CAPN8: variants seen among roughly 807,000 people sequenced by gnomAD.
The protein encoded by CAPN8 is calpain-8.
Under a neutral mutation model 80.9 loss-of-function variants are expected in CAPN8, and 87 were observed. The ratio of observed to expected loss-of-function variants is 1.07; its 90% CI spans 0.90 to 1.28. CAPN8 has a LOEUF of 1.28. Ranked by LOEUF, CAPN8 falls within the 50% of genes most tolerant of loss-of-function variation. CAPN8 has a pLI of 0.00. For missense variants in CAPN8, 757 were observed against 702.0 expected, an observed-to-expected ratio of 1.08 and a Z score of -0.89; for synonymous variants, 299 against 273.8, an observed-to-expected ratio of 1.09 and a Z score of -0.91.
intron 1 of CAPN8, among the ~76,000 whole-genome samples, chr1:223,662,556 A>G (rs1448919010): frequency 6.6e-6 from 1 of 152,198 alleles, no homozygotes; most frequent in Non-Finnish European, 1.5e-5. Flanking sequence ...TCTGTTTTGC[A>G]AGATAAAAAC....
At chr1:223,554,909 C>T (rs1656871446) in intron 13 of CAPN8, among the ~76,000 whole-genome samples, 1 of 152,334 alleles carries the variant, frequency 6.6e-6, no homozygotes, top group South Asian at 2.1e-4. Flanking sequence ...TGACAATGGG[C>T]TCTGCCCAAA....
At chr1:223,647,265 C>T (rs1026050668) in intron 2 of CAPN8, among the ~76,000 whole-genome samples, 30 of 152,222 alleles carry the variant, frequency 2.0e-4, no homozygotes, top group African/African-American at 7.2e-4. Context: ...ACCCCAAACT[C>T]ATTATGCTAA....
At chr1:223,658,541 G>A (rs1038956666) in intron 1 of CAPN8, among the ~76,000 whole-genome samples, 12 of 152,080 alleles carry the variant, frequency 7.9e-5, no homozygotes, top group East Asian at 1.9e-4. Flanking sequence ...GGTGGCTTAC[G>A]TCTGTAATCC....
At chr1:223,646,644 T>C (rs559561055) in intron 2 of CAPN8, among the ~76,000 whole-genome samples, 10 of 152,270 alleles carry the variant, frequency 6.6e-5, no homozygotes, top group African/African-American at 2.2e-4. Context: ...TTAAGAACCA[T>C]CCACATGTGC....
chr1:223,665,211 C>T (rs1274986593), intron 1 of CAPN8, among the ~76,000 whole-genome samples, 199 bp downstream of exon 1: 1 of 152,140 alleles, frequency 6.6e-6, no homozygotes, highest in Non-Finnish European at 1.5e-5. Context: ...TGAGATCATG[C>T]CATTGCACTC....
chr1:223,641,814 C>T (rs77066683), intron 2 of CAPN8, among the ~76,000 whole-genome samples: 1,634 of 152,284 alleles, frequency 0.011, 19 homozygotes, highest in Non-Finnish European at 0.015. Context: ...CCTATTTGTT[C>T]TCCGCTGTTT....
intron 8 of CAPN8, among the ~76,000 whole-genome samples, 151 bp from the exon 9 acceptor site, chr1:223,619,604 C>A (rs1657319611): frequency 6.6e-6 from 1 of 152,202 alleles, no homozygotes; most frequent in Non-Finnish European, 1.5e-5. Context: ...TACAAACACG[C>A]AGAGACAACA....
At chr1:223,660,721 C>T (rs1318842559) in intron 1 of CAPN8, among the ~76,000 whole-genome samples, 1 of 152,182 alleles carries the variant, frequency 6.6e-6, no homozygotes, top group Admixed American at 6.5e-5. Flanking sequence ...CATCTGCTTT[C>T]CCCCAAAGGG....
At chr1:223,627,459 G>A (rs1458852359) in intron 4 of CAPN8, among the ~76,000 whole-genome samples, 2 of 152,206 alleles carry the variant, frequency 1.3e-5, no homozygotes, top group African/African-American at 4.8e-5. Flanking sequence ...GGCACAGATG[G>A]GGAGAAGGAG....
At chr1:223,546,095 G>A (rs1180463754) in intron 16 of CAPN8, among the ~76,000 whole-genome samples, 1 of 149,200 alleles carries the variant, frequency 6.7e-6, no homozygotes, top group East Asian at 2.0e-4. Context: ...GCCTCCCAAA[G>A]TGCCACGACT....
chr1:223,648,714 C>T (rs1658260074), intron 2 of CAPN8, among the ~76,000 whole-genome samples: 1 of 151,974 alleles, frequency 6.6e-6, no homozygotes, highest in Non-Finnish European at 1.5e-5. Context: ...ATTCTCTTTA[C>T]AAAACAGAAA....
At chr1:223,555,052 T>A (rs1039981945) in intron 13 of CAPN8, among the ~76,000 whole-genome samples, 2 of 152,244 alleles carry the variant, frequency 1.3e-5, no homozygotes, top group Non-Finnish European at 2.9e-5. Flanking sequence ...AGGCCCAATA[T>A]AGCTTGATGA....
chr1:223,613,501 G>T lies in CAPN8; in HGVS notation c.1312-1244C>A, dbSNP rs1203819362. Among the ~76,000 whole-genome samples, 3 of 152,162 alleles carry T rather than the reference G, an allele frequency of 2.0e-5. No individual in the cohort carries two copies. The East Asian group carries it at 5.8e-4, about 29-fold the overall frequency. ...GATCCACCCTACCAAGAATCACCCA[G>T]CAGAAACTGAGCCAGGCAGGTGGGG... On this transcript the variant is annotated intron_variant, in intron 10 of 20. Transcript: ENST00000366872.
At chr1:223,555,426 C>T (rs1656881174) in intron 13 of CAPN8, among the ~76,000 whole-genome samples, 1 of 152,176 alleles carries the variant, frequency 6.6e-6, no homozygotes, top group Non-Finnish European at 1.5e-5. Context: ...GATATTAACG[C>T]CTACCATGCT....
chr1:223,639,346 C>T, intron 2 of CAPN8, among the ~76,000 whole-genome samples: 1 of 152,224 alleles, frequency 6.6e-6, no homozygotes, highest in East Asian at 1.9e-4. Context: ...ATAGGCTCAG[C>T]CCTTCACCCT....
chr1:223,640,961 G>A (rs147449944), intron 2 of CAPN8, among the ~76,000 whole-genome samples: 113 of 152,218 alleles, frequency 7.4e-4, no homozygotes, highest in Non-Finnish European at 1.5e-3. Flanking sequence ...CTGGAGATCT[G>A]CTTCAGTACC....
intron 2 of CAPN8, among the ~76,000 whole-genome samples, chr1:223,647,739 G>A (rs760162937): frequency 2.0e-5 from 3 of 151,700 alleles, no homozygotes; most frequent in Non-Finnish European, 4.4e-5. Context: ...CAAAAAATAG[G>A]GCCATAAAAA....
Position 223,609,347 on chromosome 1 carries a change from G to A in CAPN8, c.1341C>T (p.Asp447=), listed in dbSNP as rs962437370. 9.3e-5 allele frequency: 37 copies of A among 398,544 alleles called. No individual in the cohort carries two copies. Among genetic ancestry groups the A allele is most frequent in the South Asian group, 8.9e-4 (7 of 7,854 alleles). The allele number at this position is 398,544 out of a possible 1,614,324, so 24.7% of individuals were successfully genotyped here. A position where few individuals can be genotyped will look rare whatever the true frequency, so the allele number is the denominator to read the frequency against. Reference sequence around the variant, plus strand: ...GGAAGAAATCCCGGCCCAAGTGTGCGTCCGTGTGACTCTCCAGCTGCACGA... The same window carrying A: ...GGAAGAAATCCCGGCCCAAGTGTGCATCCGTGTGACTCTCCAGCTGCACGA... ...QVPKELESHT[D]AHLGRDFFLA... Residue 447 remains aspartate (D), a synonymous_variant, in exon 12 of 21, where the codon GAC becomes GAT. Transcript: ENST00000366872.
At chr1:223,542,800 G>C (rs1194021677) in intron 20 of CAPN8, among the ~76,000 whole-genome samples, 2 of 152,072 alleles carry the variant, frequency 1.3e-5, no homozygotes, top group Admixed American at 6.6e-5. Context: ...GCTGGTCCTA[G>C]AAGCCAGACA....
Sources: gnomAD v4.1 joint callset for allele counts (sites outside exome capture counted in the v4.1 genomes callset) on GRCh38, gnomAD v4.1.1 for gene constraint, MANE v1.5 for transcripts, NCBI Gene and HGNC (gene_info 2026-07-23, HGNC 2026-07-21) for gene names.